Variants in HEATR3 observed in about 807,000 individuals in gnomAD.
HEATR3 encodes HEAT repeat containing 3, also known as HEAT repeat-containing protein 3.
Under a neutral mutation model 72.8 loss-of-function variants are expected in HEATR3, and 56 were observed. The observed-to-expected ratio is 0.77, with a 90% CI of 0.62 to 0.96. The LOEUF (loss-of-function observed/expected upper bound fraction) is 0.96, where lower values mean the gene tolerates loss of function less well. Ranked by LOEUF, HEATR3 falls within the 40% of genes least tolerant of loss-of-function variation. The probability of loss-of-function intolerance (pLI) is 0.00; values close to 1 mark genes in which losing one functional copy is unlikely to be tolerated. For missense variants in HEATR3, 747 were observed against 831.4 expected, an observed-to-expected ratio of 0.90 and a Z score of 1.25; for synonymous variants, 331 against 318.1, an observed-to-expected ratio of 1.04 and a Z score of -0.43.
Position 50,084,029 on chromosome 16 carries a change from T to C in HEATR3, c.1132+2T>C. 1 of 1,613,836 alleles carries C rather than the reference T, an allele frequency of 6.2e-7. No individual in the cohort carries two copies. The highest frequency in any genetic ancestry group is 8.5e-7 in the Non-Finnish European group (1 of 1,179,858). ...TTGTCAACATGTGCTGCAATGAAGG[T>C]TTGTTAACATTTACATTTAGACATT... is the stretch of plus-strand genomic sequence containing the variant. On this transcript the variant is annotated splice_donor_variant, in intron 8 of 14. Transcript: ENST00000299192. LOFTEE classifies it high-confidence loss of function.
chr16:50,100,466 G>A lies in HEATR3; in HGVS notation c.1743+93G>A. The A allele has an allele frequency of 3.2e-6, 4 of 1,246,304 alleles. No individual in the cohort carries two copies. The South Asian group carries it at 5.1e-5, about 16-fold the overall frequency. 77.2% of individuals were successfully genotyped at this position (1,246,304 alleles called of 1,614,324 possible). On this transcript the variant is annotated intron_variant, in intron 13 of 14. Transcript: ENST00000299192. The stretch of plus-strand genomic sequence containing the variant: ...GATTTCTTAAAACTTGTGTGGACTT[G>A]AAGAGAAGAAGTCATATCAAGTTGC...
rs1412550092 is a variant in HEATR3 at position 50,106,362 on chromosome 16, T to C, written c.*1301T>C. On this transcript the variant is annotated 3_prime_UTR_variant, in exon 15 of 15. Coordinates refer to ENST00000299192, the MANE Select transcript of HEATR3 (RefSeq NM_182922.4). ...GAATCAGAATTGGGAGAAGGTATTT[T>C]TAAATAAACAACTTTTTAATGGAAA... The C allele has an allele frequency of 6.6e-6, 1 of 152,190 alleles. No homozygotes were observed. The highest frequency in any genetic ancestry group is 1.5e-5 in the Non-Finnish European group (1 of 68,038). 9.4% of individuals were successfully genotyped at this position (152,190 alleles called of 1,614,324 possible).
At position 50,075,697 on chromosome 16, in the gene HEATR3, AGAC is replaced by A; in HGVS notation, c.750_752del (p.Thr251del). The A allele has an allele frequency of 6.2e-7, 1 of 1,612,636 alleles. No individual in the cohort carries two copies. Among genetic ancestry groups the A allele is most frequent in the Non-Finnish European group, 8.5e-7 (1 of 1,178,920 alleles). On this transcript the variant is annotated inframe_deletion, in exon 6 of 15. Coordinates refer to ENST00000299192, the MANE Select transcript of HEATR3 (RefSeq NM_182922.4). Reference sequence around the variant, plus strand: ...AGTTCCATGGAATCTCTTCTATTGAAGACATTGGTAGCAGGTAAAATTTAGCCT... The same window carrying A: ...AGTTCCATGGAATCTCTTCTATTGAAATTGGTAGCAGGTAAAATTTAGCCT...
At chr16:50,101,587 G>A (rs1199136399) in intron 13 of HEATR3, among the ~76,000 whole-genome samples, 1 of 152,258 alleles carries the variant, frequency 6.6e-6, no homozygotes, top group African/African-American at 2.4e-5. Flanking sequence ...CCGGCACCAC[G>A]TGGTTATTCT....
chr16:50,077,703 C>T (rs984583380), intron 6 of HEATR3, among the ~76,000 whole-genome samples: 1 of 152,030 alleles, frequency 6.6e-6, no homozygotes, highest in Non-Finnish European at 1.5e-5. Context: ...ATAGTGGCCT[C>T]AAGGTTCATC....
At position 50,066,481 on chromosome 16, in the gene HEATR3, G is replaced by T. The variant is rs1046464181; in HGVS notation, c.253G>T (p.Gly85Trp). The change falls in exon 2 of 15, where the codon GGG becomes TGG. Residue 85 changes from glycine to tryptophan, a missense_variant. Physicochemically the swap from Gly to Trp is radical, Grantham distance 184 (BLOSUM62 -2). Transcript: ENST00000299192. ...GCGACGAGACGCCGTGCGCCGCCTC[G>T]GGCCGCTGCTGCTAGACCCCAGCCT... is the stretch of plus-strand genomic sequence containing the variant. ...LARRDAVRRL[G>W]PLLLDPSLAV... The T allele has an allele frequency of 3.0e-6, 4 of 1,348,024 alleles. No individual in the cohort carries two copies. The highest frequency in any genetic ancestry group is 2.8e-6 in the Non-Finnish European group (3 of 1,057,546). 83.5% of individuals were successfully genotyped at this position (1,348,024 alleles called of 1,614,324 possible). A position where few individuals can be genotyped will look rare whatever the true frequency, so the allele number is the denominator to read the frequency against.
intron 12 of HEATR3, among the ~76,000 whole-genome samples, chr16:50,096,064 C>G (rs2037227707): frequency 6.6e-6 from 1 of 152,100 alleles, no homozygotes; most frequent in African/African-American, 2.4e-5. Flanking sequence ...GTGGCTCACA[C>G]CTGTAATCCC....
Position 50,077,315 on chromosome 16 carries a change from T to C in HEATR3, c.764-1426T>C, listed in dbSNP as rs954221692. 6.5e-5 allele frequency among the ~76,000 whole-genome samples: 6 copies of C among 92,444 alleles called. 1 individual carries two copies. The highest frequency in any genetic ancestry group is 2.3e-4 in the African/African-American group (6 of 26,446). 60.6% of individuals were successfully genotyped at this position (92,444 alleles called of 152,430 possible). ...GTGAGCCACAGTCCCCAGCCACAGT[T>C]AATTTTTTGTATTTTTTTTTGTAGA... On this transcript the variant is annotated intron_variant, in intron 6 of 14. Transcript: ENST00000299192.
At chr16:50,088,393 A>G (rs2037035394) in intron 11 of HEATR3, among the ~76,000 whole-genome samples, 1 of 152,138 alleles carries the variant, frequency 6.6e-6, no homozygotes, top group African/African-American at 2.4e-5. Flanking sequence ...GTACCTTTCA[A>G]GTACTCCCTG....
chr16:50,073,647 T>C (rs954529146), intron 5 of HEATR3: 3 of 152,174 alleles, frequency 2.0e-5, no homozygotes, highest in African/African-American at 7.2e-5. Context: ...AATTGATAGG[T>C]GACTTAATCT....
rs1257109538 is a variant in HEATR3 at position 50,066,019 on chromosome 16, C to T, written c.-113C>T. 2.5e-6 allele frequency: 3 copies of T among 1,190,982 alleles called. No homozygotes were observed. The highest frequency in any genetic ancestry group is 1.4e-5 in the South Asian group (1 of 71,880). The allele number at this position is 1,190,982 out of a possible 1,614,324, so 73.8% of individuals were successfully genotyped here. On this transcript the variant is annotated 5_prime_UTR_variant, in exon 1 of 15. Transcript: ENST00000299192. Reference sequence around the variant, plus strand: ...ACGGCTTGCCCATGTGTGCTGCAGCCGTCAGCCGGCCCAGCTGAGCAGCAG... The same window carrying T: ...ACGGCTTGCCCATGTGTGCTGCAGCTGTCAGCCGGCCCAGCTGAGCAGCAG...
At chr16:50,092,443 T>C (rs200315676) in intron 11 of HEATR3, among the ~76,000 whole-genome samples, 2 of 27,620 alleles carry the variant, frequency 7.2e-5, no homozygotes, top group Admixed American at 5.5e-4. Context: ...TTTCTTTTTT[T>C]TTTTTTTTTC....
intron 10 of HEATR3, among the ~76,000 whole-genome samples, chr16:50,085,095 T>G (rs553338854): frequency 6.6e-6 from 1 of 151,716 alleles, no homozygotes; most frequent in Non-Finnish European, 1.5e-5. Context: ...CATACCTTGG[T>G]GATAAACCTA....
intron 7 of HEATR3, among the ~76,000 whole-genome samples, chr16:50,082,785 TTTTTTCTTTTTC>T (rs1420421509): frequency 2.0e-5 from 3 of 151,840 alleles, no homozygotes; most frequent in Admixed American, 6.6e-5. Context: ...CAGGTAAATT[TTTTTTCTTTTTC>T]TTTTTCTTTT....
intron 6 of HEATR3, 39 bp from the exon 7 acceptor site, chr16:50,078,702 C>G: frequency 6.4e-7 from 1 of 1,562,326 alleles, no homozygotes; most frequent in Non-Finnish European, 8.6e-7. Context: ...TAAAATATTT[C>G]ACAGGCATTT....
intron 10 of HEATR3, among the ~76,000 whole-genome samples, chr16:50,084,968 C>T (rs557163838): frequency 4.6e-5 from 7 of 152,266 alleles, no homozygotes; most frequent in South Asian, 4.1e-4. Context: ...ACTCACAACT[C>T]GGATGGAACT....
rs1221842334 is a variant in HEATR3, at chr16:50,078,735, T to C, written c.764-6T>C. On this transcript the variant is annotated splice_polypyrimidine_tract_variant and splice_region_variant and intron_variant, in intron 6 of 14. Coordinates refer to ENST00000299192, the MANE Select transcript of HEATR3 (RefSeq NM_182922.4). ...TTTCTTATCCTTATGCTTGTTTTTT[T>C]CCCAGGCACAATTTGGAATCTAAAG... 6 of 1,602,254 alleles carry C rather than the reference T, an allele frequency of 3.7e-6. No individual in the cohort carries two copies. Among genetic ancestry groups the C allele is most frequent in the East Asian group, 4.5e-5 (2 of 44,752 alleles).
chr16:50,102,492 G>A, intron 14 of HEATR3, 57 bp downstream of exon 14: 1 of 1,505,888 alleles, frequency 6.6e-7, no homozygotes, highest in East Asian at 2.3e-5. Flanking sequence ...GGGGACAAGG[G>A]TGTGTGTAGT....
intron 12 of HEATR3, among the ~76,000 whole-genome samples, chr16:50,095,058 TACA>T (rs1406788440): frequency 6.6e-6 from 1 of 152,132 alleles, no homozygotes; most frequent in Non-Finnish European, 1.5e-5. Context: ...TTTTAATCAA[TACA>T]ACTTAATTGA....
Sources: allele counts gnomAD v4.1 joint callset (sites outside exome capture counted in the v4.1 genomes callset), GRCh38; gene constraint gnomAD v4.1.1; transcripts MANE v1.5; gene names NCBI Gene and HGNC (gene_info 2026-07-23, HGNC 2026-07-21).